The following MACROD2 variants were observed in gnomAD, a reference collection of about 807,000 sequenced individuals.
MACROD2 encodes the protein ADP-ribose glycohydrolase MACROD2.
A neutral mutation model predicts 70.4 loss-of-function variants in MACROD2; 36 were observed. That is an observed-to-expected ratio of 0.51 (90% CI 0.39 to 0.68). The LOEUF is 0.68. Ranked by LOEUF, MACROD2 falls within the 30% of genes least tolerant of loss-of-function variation. MACROD2 has a pLI of 0.00. For missense variants in MACROD2, 496 were observed against 538.4 expected, an observed-to-expected ratio of 0.92 and a Z score of 0.78; for synonymous variants, 172 against 178.8, an observed-to-expected ratio of 0.96 and a Z score of 0.30.
intron 8 of MACROD2, among the ~76,000 whole-genome samples, chr20:15,839,583 G>A (rs1207783183): frequency 1.3e-5 from 2 of 152,036 alleles, no homozygotes; most frequent in Non-Finnish European, 2.9e-5. Flanking sequence ...GCCCACCTAT[G>A]GTACAAAGCC....
At chr20:15,039,598 G>C (rs1462542653) in intron 5 of MACROD2, among the ~76,000 whole-genome samples, 1 of 152,088 alleles carries the variant, frequency 6.6e-6, no homozygotes, top group Admixed American at 6.5e-5. Flanking sequence ...ACAAACCACA[G>C]TGGCAGATTT....
intron 6 of MACROD2, among the ~76,000 whole-genome samples, chr20:15,306,456 A>T (rs2077698598): frequency 6.6e-6 from 1 of 152,200 alleles, no homozygotes; most frequent in Non-Finnish European, 1.5e-5. Flanking sequence ...CTATACTATT[A>T]TGTCAATTTT....
intron 8 of MACROD2, among the ~76,000 whole-genome samples, chr20:15,805,510 C>G (rs1006439465): frequency 1.3e-5 from 2 of 149,386 alleles, no homozygotes; most frequent in Non-Finnish European, 3.0e-5. Flanking sequence ...GAGTTTCACT[C>G]TTTTTGCCCA....
chr20:15,912,024 A>AAACAAAT (rs1416170535), intron 10 of MACROD2, among the ~76,000 whole-genome samples: 2 of 152,218 alleles, frequency 1.3e-5, no homozygotes, highest in African/African-American at 4.8e-5. Context: ...AAAAAACAAA[A>AAACAAAT]CAACAACAAA....
chr20:14,762,989 G>GT (rs1427601705), intron 5 of MACROD2, among the ~76,000 whole-genome samples: 2 of 151,910 alleles, frequency 1.3e-5, no homozygotes, highest in Non-Finnish European at 2.9e-5. Flanking sequence ...GCTAAGCACA[G>GT]AACAATGTCA....
chr20:15,754,420 C>T (rs563922369), intron 8 of MACROD2, among the ~76,000 whole-genome samples: 14 of 152,206 alleles, frequency 9.2e-5, no homozygotes, highest in African/African-American at 3.4e-4. Context: ...GTCAGGAGTT[C>T]AAGACCAGCC....
At chr20:15,071,794 C>A (rs1172819410) in intron 5 of MACROD2, among the ~76,000 whole-genome samples, 1 of 152,098 alleles carries the variant, frequency 6.6e-6, no homozygotes, top group Non-Finnish European at 1.5e-5. Flanking sequence ...AAATTCTGTG[C>A]TGCAAATTTT....
At chr20:14,788,468 C>T (rs966800252) in intron 5 of MACROD2, among the ~76,000 whole-genome samples, 35 of 150,992 alleles carry the variant, frequency 2.3e-4, no homozygotes, top group Non-Finnish European at 4.6e-4. Flanking sequence ...CACCTGTATT[C>T]CCAGCTACTC....
At chr20:14,371,909 C>T (rs2083327823) in intron 3 of MACROD2, among the ~76,000 whole-genome samples, 1 of 151,902 alleles carries the variant, frequency 6.6e-6, no homozygotes, top group African/African-American at 2.4e-5. Flanking sequence ...CCTTTTCTGA[C>T]CTCCCTTACC....
At chr20:15,437,564 GA>G (rs1299814960) in intron 7 of MACROD2, among the ~76,000 whole-genome samples, 30 of 152,272 alleles carry the variant, frequency 2.0e-4, no homozygotes, top group Admixed American at 1.4e-3. Context: ...GTGAACTTGT[GA>G]CACAAGGGTT....
At chr20:14,770,822 A>G (rs923209016) in intron 5 of MACROD2, among the ~76,000 whole-genome samples, 7 of 152,040 alleles carry the variant, frequency 4.6e-5, no homozygotes, top group African/African-American at 7.3e-5. Context: ...AACCTGTGGT[A>G]GATCTGGGAT....
At chr20:15,366,881 A>G (rs2045417457) in intron 6 of MACROD2, among the ~76,000 whole-genome samples, 1 of 152,014 alleles carries the variant, frequency 6.6e-6, no homozygotes, top group Non-Finnish European at 1.5e-5. Flanking sequence ...TAGCATTATT[A>G]TGTAAATGCC....
intron 6 of MACROD2, among the ~76,000 whole-genome samples, chr20:15,404,306 G>A (rs1393942983): frequency 6.6e-6 from 1 of 151,974 alleles, no homozygotes; most frequent in Non-Finnish European, 1.5e-5. Context: ...TATATATTTA[G>A]TATTCTATGT....
chr20:15,097,174 A>G (rs2123183600), intron 5 of MACROD2, among the ~76,000 whole-genome samples: 1 of 152,258 alleles, frequency 6.6e-6, no homozygotes, highest in East Asian at 1.9e-4. Flanking sequence ...AATTACCTCA[A>G]TATTTGACTT....
chr20:15,869,210 C>CATATATATATATATATATATAT (rs778142501), intron 9 of MACROD2, among the ~76,000 whole-genome samples: 8 of 51,902 alleles, frequency 1.5e-4, no homozygotes, highest in Admixed American at 5.2e-4. Context: ...ATGTGATTAA[C>CATATATATATATATATATATAT]ATATATATAT....
intron 8 of MACROD2, among the ~76,000 whole-genome samples, chr20:15,637,153 G>C (rs946175269): frequency 1.3e-5 from 2 of 152,208 alleles, no homozygotes; most frequent in African/African-American, 4.8e-5. Flanking sequence ...GGGACACCAT[G>C]GGTTGAAGCT....
At chr20:14,638,356 C>A (rs912118282) in intron 4 of MACROD2, among the ~76,000 whole-genome samples, 2 of 151,944 alleles carry the variant, frequency 1.3e-5, no homozygotes, top group Admixed American at 6.6e-5. Context: ...TTTAAACAGT[C>A]CTGGGATTTT....
intron 4 of MACROD2, chr20:14,622,015 CT>C (rs1485828908): frequency 2.0e-5 from 3 of 151,990 alleles, no homozygotes; most frequent in South Asian, 4.2e-4. Context: ...ACCTAATAGG[CT>C]CTGGAAGAGC....
At chr20:14,133,984 A>T (rs533562705) in intron 3 of MACROD2, among the ~76,000 whole-genome samples, 1 of 152,376 alleles carries the variant, frequency 6.6e-6, no homozygotes, top group South Asian at 2.1e-4. Flanking sequence ...CTGAAGGGCC[A>T]TTCTAACTCC....
Sources: allele counts gnomAD v4.1 joint callset (sites outside exome capture counted in the v4.1 genomes callset), GRCh38; gene constraint gnomAD v4.1.1; transcripts MANE v1.5; gene names NCBI Gene and HGNC (gene_info 2026-07-23, HGNC 2026-07-21).